The following ROS1 variants were observed in gnomAD, a reference collection of about 807,000 sequenced individuals.
The protein encoded by ROS1 is proto-oncogene tyrosine-protein kinase ROS.
A neutral mutation model predicts 273.5 loss-of-function variants in ROS1; 263 were observed. That is an observed-to-expected ratio of 0.96 (90% confidence interval 0.87 to 1.06). The LOEUF (loss-of-function observed/expected upper bound fraction) is 1.06, where lower values mean the gene tolerates loss of function less well. Among genes scored for constraint, ROS1 ranks in the 50% least tolerant of loss-of-function variants. The probability of loss-of-function intolerance (pLI) is 0.00; values close to 1 mark genes in which losing one functional copy is unlikely to be tolerated. For missense variants in ROS1, 2,833 were observed against 2,751.1 expected (o/e 1.03, Z -0.67); for synonymous variants, 1,008 against 954.1 (o/e 1.06, Z -1.04).
At chr6:117,320,334 T>C (rs1204730790) in intron 36 of ROS1, among the ~76,000 whole-genome samples, 1 of 152,268 alleles carries the variant, frequency 6.6e-6, no homozygotes, top group Admixed American at 6.5e-5. Context: ...TCAAAGTTAG[T>C]AGGTATTAAC....
intron 1 of ROS1, among the ~76,000 whole-genome samples, chr6:117,418,951 T>C (rs72969428): frequency 0.13 from 19,041 of 152,196 alleles, 1,311 homozygotes; most frequent in African/African-American, 0.16. Context: ...TAAGAACTTT[T>C]TTATACTGGA....
intron 32 of ROS1, 109 bp downstream of exon 32, chr6:117,337,063 G>A (rs1777532952): frequency 3.5e-6 from 3 of 851,702 alleles, no homozygotes; most frequent in African/African-American, 3.5e-5. Flanking sequence ...AAATAATAAT[G>A]TACTGCTTTT....
intron 14 of ROS1, among the ~76,000 whole-genome samples, chr6:117,387,330 C>A (rs1354147555): frequency 6.6e-6 from 1 of 152,152 alleles, no homozygotes; most frequent in African/African-American, 2.4e-5. Context: ...TCATTCAGAG[C>A]ATCCAGAAGA....
rs534079798 is a variant in ROS1, at chr6:117,288,132, G to A, written c.*360C>T. Among the ~76,000 whole-genome samples, 2 of 152,026 alleles carry A rather than the reference G, an allele frequency of 1.3e-5. No individual in the cohort carries two copies. Among genetic ancestry groups the A allele is most frequent in the Non-Finnish European group, 2.9e-5 (2 of 68,014 alleles). On this transcript the variant is annotated 3_prime_UTR_variant, in exon 44 of 44. Coordinates refer to ENST00000368507, the MANE Select transcript of ROS1 (RefSeq NM_001378902.1). ...TTATATCGCTGAACACACCTATTCT[G>A]TCTCTAAACATGTGGCCAAGATATT...
intron 4 of ROS1, among the ~76,000 whole-genome samples, chr6:117,412,635 TAC>T: frequency 6.9e-6 from 1 of 145,966 alleles, no homozygotes; most frequent in Non-Finnish European, 1.5e-5. Flanking sequence ...TAGATAGATA[TAC>T]ACATAGCATG....
In ROS1 at chr6:117,357,888, T is replaced by G; in HGVS notation, c.3755A>C (p.Glu1252Ala). 6.2e-7 allele frequency: 1 copy of G among 1,613,752 alleles called. No homozygotes were observed. Among genetic ancestry groups the G allele is most frequent in the Non-Finnish European group, 8.5e-7 (1 of 1,179,744 alleles). Reference sequence around the variant, plus strand: ...CTCTCTGGGATATTTCACCTTGTGTTCAAGATCAACATCAAATACTTGCAT... The same window carrying G: ...CTCTCTGGGATATTTCACCTTGTGTGCAAGATCAACATCAAATACTTGCAT... The part of the protein sequence containing the change: ...NGMQVFDVDL[E>A]HKVKYPREVK... Residue 1252 changes from glutamate to alanine, a missense_variant, in exon 25 of 44, where the codon GAA (glutamate) becomes GCA (alanine). Coordinates refer to ENST00000368507, the MANE Select transcript of ROS1 (RefSeq NM_001378902.1).
At chr6:117,382,106 G>T (rs556010383) in intron 17 of ROS1, among the ~76,000 whole-genome samples, 4 of 152,168 alleles carry the variant, frequency 2.6e-5, no homozygotes, top group Admixed American at 6.5e-5. Context: ...TTACAAAAAT[G>T]AAAATGCTTT....
chr6:117,392,348 G>A (rs942679596), intron 12 of ROS1, among the ~76,000 whole-genome samples: 1 of 151,662 alleles, frequency 6.6e-6, no homozygotes, highest in African/African-American at 2.4e-5. Flanking sequence ...GTTATGAGCT[G>A]TATTTTTTTT....
At chr6:117,336,542 A>G (rs913111316) in intron 32 of ROS1, among the ~76,000 whole-genome samples, 4 of 152,192 alleles carry the variant, frequency 2.6e-5, no homozygotes, top group Non-Finnish European at 5.9e-5. Context: ...CATGGTGTAT[A>G]TGTACCACAT....
intron 21 of ROS1, 101 bp downstream of exon 21, chr6:117,364,959 A>G: frequency 8.3e-7 from 1 of 1,201,508 alleles, no homozygotes; most frequent in Non-Finnish European, 1.2e-6. Context: ...AAACACATCT[A>G]TAAAACTGAA....
At chr6:117,310,378 C>CTTT (rs1775447903) in intron 40 of ROS1, 97 bp from the exon 41 acceptor site, 1 of 849,142 alleles carries the variant, frequency 1.2e-6, no homozygotes, top group Non-Finnish European at 1.7e-6. Context: ...AGAAGAGAAA[C>CTTT]TATTTTTTTT....
At chr6:117,424,753 T>C (rs1478232561) in intron 1 of ROS1, among the ~76,000 whole-genome samples, 2 of 152,180 alleles carry the variant, frequency 1.3e-5, no homozygotes, top group Non-Finnish European at 2.9e-5. Context: ...TCCAATACTT[T>C]AGAATAATAT....
chr6:117,319,963 G>A lies in ROS1; in HGVS notation c.5827C>T (p.Leu1943Phe), dbSNP rs2128558980. 4 of 1,613,494 alleles carry A rather than the reference G, an allele frequency of 2.5e-6. No homozygotes were observed. Among genetic ancestry groups the A allele is most frequent in the East Asian group, 2.2e-5 (1 of 44,852 alleles). The change falls in exon 37 of 44, where the codon CTC (leucine) becomes TTC (phenylalanine). Residue 1943 changes from leucine to phenylalanine, a missense_variant. Transcript: ENST00000368507. The stretch of plus-strand genomic sequence containing the variant: ...CCAAAGGCTCCACTTCCCAGCAAGA[G>A]ACGCAGAGTCAGTTTTTCCCGAGGG... The part of the protein sequence containing the change: ...AFPREKLTLR[L>F]LLGSGAFGEV...
At chr6:117,292,620 T>A (rs779051272) in intron 43 of ROS1, among the ~76,000 whole-genome samples, 2 of 152,310 alleles carry the variant, frequency 1.3e-5, no homozygotes, top group East Asian at 3.9e-4. Context: ...ACTTCAACCA[T>A]CTATATTTAC....
At chr6:117,338,521 G>C (rs1442752578) in intron 31 of ROS1, among the ~76,000 whole-genome samples, 1 of 144,802 alleles carries the variant, frequency 6.9e-6, no homozygotes, top group Non-Finnish European at 1.5e-5. Flanking sequence ...CTCAGAGAGA[G>C]AGAAATTAAC....
At chr6:117,354,698 T>G (rs919533358) in intron 26 of ROS1, among the ~76,000 whole-genome samples, 2 of 152,230 alleles carry the variant, frequency 1.3e-5, no homozygotes, top group African/African-American at 4.8e-5. Flanking sequence ...AATTACAGGT[T>G]TATGAAAAAC....
intron 43 of ROS1, among the ~76,000 whole-genome samples, chr6:117,299,962 G>A (rs1392750027): frequency 2.1e-5 from 3 of 144,464 alleles, no homozygotes; most frequent in East Asian, 2.0e-4. Context: ...TCACCCTGTC[G>A]CCCAGGCTGG....
In ROS1 at chr6:117,310,262, A is replaced by C. The variant is rs770087460; in HGVS notation, c.6235T>G (p.Cys2079Gly). 1 of 1,609,218 alleles carries C rather than the reference A, an allele frequency of 6.2e-7. No homozygotes were observed. Among genetic ancestry groups the C allele is most frequent in the East Asian group, 2.2e-5 (1 of 44,768 alleles). Residue 2079 changes from cysteine (C) to glycine (G), a missense_variant, in exon 41 of 44, where the codon TGC becomes GGC. Physicochemically the swap from Cys to Gly is radical, Grantham distance 159. Transcript: ENST00000368507. ...GTATAGTCTTTCACGGAAACAAGGC[A>C]ATTTCTAGCTGCCAGATCCCTGTGG... is the stretch of plus-strand genomic sequence containing the variant. Reference protein sequence around the residue: ...FIHRDLAARNCLVSVKDYTSP... With the variant: ...FIHRDLAARNGLVSVKDYTSP...
At chr6:117,420,828 A>G (rs1381164706) in intron 1 of ROS1, among the ~76,000 whole-genome samples, 1 of 151,966 alleles carries the variant, frequency 6.6e-6, no homozygotes, top group East Asian at 1.9e-4. Context: ...ATGTATTAGT[A>G]GTATTATGTC....
Sources: allele counts gnomAD v4.1 joint callset (sites outside exome capture counted in the v4.1 genomes callset), GRCh38; gene constraint gnomAD v4.1.1; transcripts MANE v1.5; gene names NCBI Gene and HGNC (gene_info 2026-07-23, HGNC 2026-07-21).